Variants in L3MBTL4 observed in about 807,000 individuals in gnomAD.
The protein encoded by L3MBTL4 is L3MBTL histone methyl-lysine binding protein 4.
A neutral mutation model predicts 84.5 loss-of-function variants in L3MBTL4; 70 were observed. That is an observed-to-expected ratio of 0.83 (90% CI 0.68 to 1.01). The LOEUF (loss-of-function observed/expected upper bound fraction) is 1.01. Among genes scored for constraint, L3MBTL4 ranks in the 50% least tolerant of loss-of-function variants. The probability of loss-of-function intolerance (pLI) is 0.00; values close to 1 mark genes in which losing one functional copy is unlikely to be tolerated. For synonymous variants in L3MBTL4, 274 were observed against 259.8 expected, an observed-to-expected ratio of 1.05 and a Z score of -0.52; for missense variants, 715 against 754.8, an observed-to-expected ratio of 0.95 and a Z score of 0.62.
intron 15 of L3MBTL4, among the ~76,000 whole-genome samples, chr18:6,090,484 G>C (rs907766775): frequency 6.6e-6 from 1 of 151,488 alleles, no homozygotes; most frequent in East Asian, 1.9e-4. Context: ...AAATTGTTGG[G>C]CAATATCTAA....
intron 14 of L3MBTL4, among the ~76,000 whole-genome samples, chr18:6,110,945 T>C (rs2059177261): frequency 6.6e-6 from 1 of 152,136 alleles, no homozygotes; most frequent in African/African-American, 2.4e-5. Context: ...TATAAATGGT[T>C]CCTTTCCTCC....
At chr18:6,238,261 C>G (rs142088973) in intron 9 of L3MBTL4, among the ~76,000 whole-genome samples, 1 of 152,180 alleles carries the variant, frequency 6.6e-6, no homozygotes, top group Non-Finnish European at 1.5e-5. Flanking sequence ...TGGCTGGGCG[C>G]GGTGGCTCAC....
At chr18:6,348,548 AG>A (rs1233728433) in intron 1 of L3MBTL4, among the ~76,000 whole-genome samples, 2 of 152,184 alleles carry the variant, frequency 1.3e-5, no homozygotes, top group Non-Finnish European at 2.9e-5. Flanking sequence ...ATACACCAAA[AG>A]GAAGTCCAGA....
intron 15 of L3MBTL4, among the ~76,000 whole-genome samples, chr18:6,087,865 A>G (rs918303340): frequency 1.3e-5 from 2 of 152,186 alleles, no homozygotes; most frequent in African/African-American, 2.4e-5. Flanking sequence ...GTCTATATCT[A>G]CCTACATCTA....
intron 10 of L3MBTL4, among the ~76,000 whole-genome samples, chr18:6,224,704 C>T (rs1599225647): frequency 6.6e-6 from 1 of 152,204 alleles, no homozygotes; most frequent in East Asian, 1.9e-4. Context: ...TGGAAACTGA[C>T]CCAAGAGTCC....
chr18:6,359,250 A>C (rs1198530814), intron 1 of L3MBTL4, among the ~76,000 whole-genome samples: 1 of 152,236 alleles, frequency 6.6e-6, no homozygotes, highest in Non-Finnish European at 1.5e-5. Flanking sequence ...AACTGAGGTC[A>C]GGAGTTCAAG....
chr18:6,206,729 C>T (rs886194150), intron 12 of L3MBTL4, among the ~76,000 whole-genome samples: 3 of 152,072 alleles, frequency 2.0e-5, no homozygotes, highest in Non-Finnish European at 4.4e-5. Flanking sequence ...AGAGGGTTAT[C>T]AACTGATAGG....
At chr18:6,354,976 T>C (rs958505168) in intron 1 of L3MBTL4, among the ~76,000 whole-genome samples, 1 of 152,208 alleles carries the variant, frequency 6.6e-6, no homozygotes, top group African/African-American at 2.4e-5. Context: ...AAGAGATTTT[T>C]GCACTCCCAT....
At chr18:6,015,070 G>T (rs9955137) in intron 16 of L3MBTL4, among the ~76,000 whole-genome samples, 72,778 of 151,606 alleles carry the variant, frequency 0.48, 19,899 homozygotes, top group Non-Finnish European at 0.65. Context: ...AGTGCTTGGG[G>T]TCATACAAAT....
chr18:6,171,956 T>G lies in L3MBTL4; in HGVS notation c.982-14A>C. The G allele has an allele frequency of 7.9e-7, 1 of 1,271,480 alleles. No homozygotes were observed. 78.8% of individuals were successfully genotyped at this position (1,271,480 alleles called of 1,614,324 possible). ...ATCAAAATGAACCTGTTAAAACGAG[T>G]TTTGAATGATTAGCATTTAGTAATT... On this transcript the variant is annotated splice_polypyrimidine_tract_variant and intron_variant, in intron 12 of 18. Transcript: ENST00000317931.
chr18:6,206,753 T>C (rs995838967), intron 12 of L3MBTL4, among the ~76,000 whole-genome samples: 1 of 152,194 alleles, frequency 6.6e-6, no homozygotes, highest in African/African-American at 2.4e-5. Context: ...AAAAAATATG[T>C]ATTTCTTTTA....
chr18:6,227,653 T>G (rs2046832087), intron 10 of L3MBTL4, among the ~76,000 whole-genome samples: 1 of 152,166 alleles, frequency 6.6e-6, no homozygotes, highest in Non-Finnish European at 1.5e-5. Context: ...AAAAACCAGT[T>G]TTAAAAATTA....
At chr18:6,340,657 C>T (rs914702532) in intron 1 of L3MBTL4, among the ~76,000 whole-genome samples, 3 of 150,748 alleles carry the variant, frequency 2.0e-5, no homozygotes, top group East Asian at 1.9e-4. Flanking sequence ...CTAGCAAACT[C>T]CACCAAGAGA....
At chr18:6,108,300 G>T (rs191320515) in intron 14 of L3MBTL4, among the ~76,000 whole-genome samples, 145 of 152,290 alleles carry the variant, frequency 9.5e-4, no homozygotes, top group African/African-American at 3.3e-3. Context: ...GCCTGGCACT[G>T]AGGGGAAATA....
intron 14 of L3MBTL4, among the ~76,000 whole-genome samples, chr18:6,103,189 C>G (rs1368614530): frequency 6.6e-6 from 1 of 152,170 alleles, no homozygotes; most frequent in African/African-American, 2.4e-5. Context: ...TCTAACTACA[C>G]AGTTAACATT....
intron 1 of L3MBTL4, among the ~76,000 whole-genome samples, chr18:6,375,187 C>T (rs1324821799): frequency 6.6e-6 from 1 of 152,014 alleles, no homozygotes; most frequent in Non-Finnish European, 1.5e-5. Flanking sequence ...TACAGGAACT[C>T]CAGTCTTTAT....
chr18:6,102,238 G>C (rs1165824208), intron 14 of L3MBTL4, among the ~76,000 whole-genome samples: 1 of 152,124 alleles, frequency 6.6e-6, no homozygotes, highest in East Asian at 1.9e-4. Flanking sequence ...CTGGTATATG[G>C]CAAGTTATCT....
intron 4 of L3MBTL4, among the ~76,000 whole-genome samples, chr18:6,289,765 T>G (rs908010181): frequency 2.6e-5 from 4 of 152,154 alleles, no homozygotes; most frequent in Non-Finnish European, 4.4e-5. Flanking sequence ...AGTGAAATGT[T>G]TATCTTGAAG....
chr18:6,374,427 G>C (rs1003816762), intron 1 of L3MBTL4: 9 of 154,824 alleles, frequency 5.8e-5, no homozygotes, highest in Non-Finnish European at 7.3e-5. Flanking sequence ...TCGCCTTTTA[G>C]ATGCAAGGCA....
Sources: gnomAD v4.1 joint callset for allele counts (sites outside exome capture counted in the v4.1 genomes callset) on GRCh38, gnomAD v4.1.1 for gene constraint, MANE v1.5 for transcripts, NCBI Gene and HGNC (gene_info 2026-07-23, HGNC 2026-07-21) for gene names.